Variants in DOK6 observed in about 807,000 individuals in gnomAD.
DOK6 encodes the protein downstream of tyrosine kinase 6.
DOK6 carries 22 observed loss-of-function variants against 44.0 expected under a neutral mutation model. The observed-to-expected ratio is 0.50, with a 90% CI of 0.36 to 0.71. DOK6 has a LOEUF of 0.71. DOK6 is among the 30% of genes least tolerant of loss of function. DOK6 has a pLI of 0.00. For missense variants in DOK6, 340 were observed against 416.4 expected (o/e 0.82, Z 1.60); for synonymous variants, 166 against 145.5 (o/e 1.14, Z -1.01).
At chr18:69,540,575 C>T (rs1982241960) in intron 1 of DOK6, among the ~76,000 whole-genome samples, 1 of 152,098 alleles carries the variant, frequency 6.6e-6, no homozygotes, top group African/African-American at 2.4e-5. Flanking sequence ...TCTAATGACC[C>T]TTTGGTGGGT....
In DOK6 at chr18:69,726,377, C is replaced by T. The variant is rs750153072; in HGVS notation, c.600-12588C>T. On this transcript the variant is annotated intron_variant, in intron 5 of 7. Coordinates refer to ENST00000382713, the MANE Select transcript of DOK6 (RefSeq NM_152721.6). ...TCTTTAATCTTTTGTTTATTTGCTA[C>T]TCTCTCAACTCATACCGTTCCTCCA... Among the ~76,000 whole-genome samples, 132 of 152,226 alleles carry T rather than the reference C, an allele frequency of 8.7e-4. 1 individual carries two copies. Among genetic ancestry groups the T allele is most frequent in the Non-Finnish European group, 1.8e-3 (123 of 68,014 alleles).
chr18:69,606,687 G>A (rs756599464), intron 3 of DOK6, among the ~76,000 whole-genome samples: 194 of 151,426 alleles, frequency 1.3e-3, no homozygotes, highest in Non-Finnish European at 2.4e-3. Context: ...CAGTGAAGAT[G>A]CAGGATACGA....
intron 1 of DOK6, among the ~76,000 whole-genome samples, chr18:69,534,713 A>G (rs1982073590): frequency 2.7e-5 from 4 of 148,840 alleles, no homozygotes; most frequent in African/African-American, 2.5e-5. Context: ...AATAGTTTCC[A>G]CTCGTTCCTT....
At chr18:69,710,073 G>A (rs907080796) in intron 5 of DOK6, among the ~76,000 whole-genome samples, 2 of 152,170 alleles carry the variant, frequency 1.3e-5, no homozygotes, top group South Asian at 4.1e-4. Flanking sequence ...CAGCTACTGG[G>A]GAGGCTGAGG....
chr18:69,462,489 T>A (rs918210987), intron 1 of DOK6, among the ~76,000 whole-genome samples: 6 of 152,206 alleles, frequency 3.9e-5, no homozygotes, highest in Non-Finnish European at 4.4e-5. Flanking sequence ...ATATTTTGAT[T>A]ACATTATTGC....
rs1599205684 is a variant in DOK6, at chr18:69,584,080, C to G, written c.175-15304C>G. On this transcript the variant is annotated intron_variant, in intron 2 of 7. Coordinates refer to ENST00000382713, the MANE Select transcript of DOK6 (RefSeq NM_152721.6). ...CCGAGATCGCGCCACTGCACTCCAG[C>G]CTGGGCAACACAGTGAGACTCCGTC... is the stretch of plus-strand genomic sequence containing the variant. Among the ~76,000 whole-genome samples, 4 of 145,792 alleles carry G rather than the reference C, an allele frequency of 2.7e-5. No homozygotes were observed. The Admixed American group carries it at 2.8e-4, about 10-fold the overall frequency.
intron 1 of DOK6, among the ~76,000 whole-genome samples, chr18:69,551,411 G>T (rs939220637): frequency 8.5e-5 from 13 of 152,130 alleles, no homozygotes; most frequent in African/African-American, 3.1e-4. Context: ...AGATATAGGG[G>T]TTTTAATTTT....
At chr18:69,556,596 G>T (rs1350665503) in intron 1 of DOK6, among the ~76,000 whole-genome samples, 4 of 152,176 alleles carry the variant, frequency 2.6e-5, no homozygotes, top group South Asian at 2.1e-4. Flanking sequence ...CAGAAACTTG[G>T]TTTTTGTTGT....
intron 4 of DOK6, among the ~76,000 whole-genome samples, chr18:69,679,037 G>A (rs927390718): frequency 1.3e-5 from 2 of 152,130 alleles, no homozygotes; most frequent in African/African-American, 2.4e-5. Flanking sequence ...TTAGCAGGCT[G>A]TGGTGGCATG....
chr18:69,717,497 G>A (rs1011903986), intron 5 of DOK6, among the ~76,000 whole-genome samples: 1 of 152,130 alleles, frequency 6.6e-6, no homozygotes, highest in African/African-American at 2.4e-5. Context: ...AATAGATAAG[G>A]ACATCATTTT....
intron 1 of DOK6, among the ~76,000 whole-genome samples, chr18:69,471,410 G>A (rs1980103313): frequency 1.3e-5 from 2 of 151,936 alleles, no homozygotes; most frequent in Non-Finnish European, 2.9e-5. Flanking sequence ...CAAAAATGAG[G>A]TGAATATGGT....
rs767584566 is a variant in DOK6 at position 69,825,458 on chromosome 18, C to T, written c.857-15786C>T. On this transcript the variant is annotated intron_variant, in intron 7 of 7. Transcript: ENST00000382713. ...TTTTTTTTTTTTTTTTTTTTTGAGA[C>T]GGAGTCTTGCTCTGTCACCCAGACT... is the stretch of plus-strand genomic sequence containing the variant. Among the ~76,000 whole-genome samples, 13 of 97,614 alleles carry T rather than the reference C, an allele frequency of 1.3e-4. No individual in the cohort carries two copies. The East Asian group carries it at 3.2e-3, about 24-fold the overall frequency. 64.0% of individuals were successfully genotyped at this position (97,614 alleles called of 152,430 possible).
At chr18:69,639,096 C>A (rs1256200252) in intron 3 of DOK6, among the ~76,000 whole-genome samples, 1 of 152,126 alleles carries the variant, frequency 6.6e-6, no homozygotes, top group African/African-American at 2.4e-5. Context: ...TGTTCTTTCT[C>A]CTGCAGTCTA....
chr18:69,560,956 T>C (rs1982816593), intron 1 of DOK6, among the ~76,000 whole-genome samples: 1 of 152,194 alleles, frequency 6.6e-6, no homozygotes, highest in African/African-American at 2.4e-5. Flanking sequence ...GGTGCTCTAA[T>C]TTTTCTGGTT....
At chr18:69,405,724 G>C (rs1336158942) in intron 1 of DOK6, among the ~76,000 whole-genome samples, 1 of 152,150 alleles carries the variant, frequency 6.6e-6, no homozygotes, top group African/African-American at 2.4e-5. Context: ...TTTGTAAAGA[G>C]AGATTATATC....
intron 7 of DOK6, chr18:69,831,295 T>A (rs1981893990): frequency 1.3e-5 from 2 of 152,208 alleles, no homozygotes; most frequent in African/African-American, 4.8e-5. Flanking sequence ...ATGGACTGGA[T>A]GATGCCCGCC....
At chr18:69,721,213 G>T (rs1447259261) in intron 5 of DOK6, 2 of 152,172 alleles carry the variant, frequency 1.3e-5, no homozygotes, top group Non-Finnish European at 2.9e-5. Context: ...GTCCTTCTCT[G>T]AAAGTTCTTT....
chr18:69,620,738 A>G (rs981321383), intron 3 of DOK6, among the ~76,000 whole-genome samples: 5 of 152,332 alleles, frequency 3.3e-5, no homozygotes, highest in African/African-American at 1.2e-4. Context: ...TTATTAACGT[A>G]CTTGTAAATT....
At chr18:69,609,017 T>G (rs1341807566) in intron 3 of DOK6, among the ~76,000 whole-genome samples, 1 of 152,068 alleles carries the variant, frequency 6.6e-6, no homozygotes, top group East Asian at 1.9e-4. Context: ...TTTTCTTAAC[T>G]ATTTTATTCT....
Sources: allele counts gnomAD v4.1 joint callset (sites outside exome capture counted in the v4.1 genomes callset), GRCh38; gene constraint gnomAD v4.1.1; transcripts MANE v1.5; gene names NCBI Gene and HGNC (gene_info 2026-07-23, HGNC 2026-07-21).